Variants in ZFPM1 observed in about 807,000 individuals in gnomAD.
The protein encoded by ZFPM1 is zinc finger protein ZFPM1.
Under a neutral mutation model 46.3 loss-of-function variants are expected in ZFPM1, and 28 were observed. That is an observed-to-expected ratio of 0.60 (90% CI 0.45 to 0.83). The LOEUF (loss-of-function observed/expected upper bound fraction) is 0.83. Ranked by LOEUF, ZFPM1 falls within the 40% of genes least tolerant of loss-of-function variation. The pLI, the probability that ZFPM1 is intolerant of heterozygous loss-of-function variation, is 0.00. For missense variants in ZFPM1, 1,878 were observed against 1,432.4 expected, an observed-to-expected ratio of 1.31 and a Z score of -5.02; for synonymous variants, 957 against 675.9, an observed-to-expected ratio of 1.42 and a Z score of -6.45.
chr16:88,485,681 C>T lies in ZFPM1; in HGVS notation c.41-258C>T, dbSNP rs570476929. Among the ~76,000 whole-genome samples, 12 of 152,232 alleles carry T rather than the reference C, an allele frequency of 7.9e-5. 1 individual carries two copies. The South Asian group carries it at 2.1e-3, about 26-fold the overall frequency. On this transcript the variant is annotated intron_variant, in intron 1 of 9. Coordinates refer to ENST00000319555, the MANE Select transcript of ZFPM1 (RefSeq NM_153813.3). ...TCTCAAACTCCTGGACTCAAGCAAT[C>T]CTCCCACCTCAGCCTCCCAAACTGC...
At chr16:88,532,305 C>G (rs969715562) in intron 7 of ZFPM1, 70 bp downstream of exon 7, 4 of 1,409,422 alleles carry the variant, frequency 2.8e-6, no homozygotes, top group Middle Eastern at 4.4e-4. Flanking sequence ...GCAGGCCGCC[C>G]GGGAAAACCC....
At chr16:88,466,828 G>A (rs1040103214) in intron 1 of ZFPM1, among the ~76,000 whole-genome samples, 5 of 152,110 alleles carry the variant, frequency 3.3e-5, no homozygotes, top group Non-Finnish European at 5.9e-5. Flanking sequence ...CCCCCTGGCC[G>A]GCAGCCTCTC....
At chr16:88,455,088 G>C (rs1256955399) in intron 1 of ZFPM1, among the ~76,000 whole-genome samples, 1 of 151,552 alleles carries the variant, frequency 6.6e-6, no homozygotes, top group African/African-American at 2.4e-5. Flanking sequence ...TTGTGCTCTG[G>C]TTTCTTTTTC....
rs888577464 is a variant in ZFPM1, at chr16:88,484,841, C to T, written c.41-1098C>T. On this transcript the variant is annotated intron_variant, in intron 1 of 9. Transcript: ENST00000319555. ...GCCACTCCACAGCCACTGTGGGGTC[C>T]GGAGCAGCTGCCCCCGCACTTGGGC... is the stretch of plus-strand genomic sequence containing the variant. Among the ~76,000 whole-genome samples the T allele has an allele frequency of 3.3e-5, 5 of 152,326 alleles. No homozygotes were observed. The East Asian group carries it at 7.7e-4, about 24-fold the overall frequency.
At chr16:88,459,175 C>T (rs1486339446) in intron 1 of ZFPM1, among the ~76,000 whole-genome samples, 1 of 152,216 alleles carries the variant, frequency 6.6e-6, no homozygotes, top group Non-Finnish European at 1.5e-5. Context: ...CTGTCCACAC[C>T]TGCCTGATGG....
chr16:88,506,205 G>T (rs1389889454), intron 3 of ZFPM1, among the ~76,000 whole-genome samples: 1 of 151,650 alleles, frequency 6.6e-6, no homozygotes, highest in Non-Finnish European at 1.5e-5. Context: ...GGCAGGAGGT[G>T]GGGAGACCAG....
In ZFPM1 at chr16:88,457,406, C is replaced by T. The variant is rs548008669; in HGVS notation, c.40+3728C>T. Among the ~76,000 whole-genome samples the T allele has an allele frequency of 2.0e-5, 3 of 152,340 alleles. No individual in the cohort carries two copies. In the East Asian group the frequency reaches 5.8e-4, roughly 29 times the overall value. Reference sequence around the variant, plus strand: ...GAACCACAGGGGACAAGTTACTGTGCTTTCCACAGCTCTCAGTTTCCCCCT... The same window carrying T: ...GAACCACAGGGGACAAGTTACTGTGTTTTCCACAGCTCTCAGTTTCCCCCT... On this transcript the variant is annotated intron_variant, in intron 1 of 9. Transcript: ENST00000319555.
At chr16:88,525,493 G>A (rs1053198560) in intron 4 of ZFPM1, among the ~76,000 whole-genome samples, 1 of 152,254 alleles carries the variant, frequency 6.6e-6, no homozygotes, top group Admixed American at 6.5e-5. Context: ...CTGATTAAAA[G>A]GCATTCATTT....
At chr16:88,510,975 C>T (rs1443701303) in intron 3 of ZFPM1, among the ~76,000 whole-genome samples, 1 of 152,110 alleles carries the variant, frequency 6.6e-6, no homozygotes. Flanking sequence ...ATGTTGGGTT[C>T]GTGGGTTTTT....
Position 88,534,481 on chromosome 16 carries a change from C to A in ZFPM1, c.2523C>A (p.Pro841=). 6.8e-7 allele frequency: 1 copy of A among 1,480,334 alleles called. No individual in the cohort carries two copies. Among genetic ancestry groups the A allele is most frequent in the Non-Finnish European group, 8.9e-7 (1 of 1,121,576 alleles). 91.7% of individuals were successfully genotyped at this position (1,480,334 alleles called of 1,614,324 possible). A position where few individuals can be genotyped will look rare whatever the true frequency, so the allele number is the denominator to read the frequency against. ...TGGCGCACAAGAAGTACTCGTGCCC[C>A]GCTGCGCCACCGCCCGGCGCGCTCG... ...AYLAHKKYSC[P]AAPPPGALGL... is the part of the protein sequence containing the mutation. The change falls in exon 10 of 10, where the codon CCC becomes CCA. Residue 841 remains proline, a synonymous_variant. Coordinates refer to ENST00000319555, the MANE Select transcript of ZFPM1 (RefSeq NM_153813.3).
intron 3 of ZFPM1, among the ~76,000 whole-genome samples, chr16:88,499,254 G>A (rs945745015): frequency 1.3e-5 from 2 of 152,104 alleles, no homozygotes; most frequent in South Asian, 2.1e-4. Context: ...TCGAAGTCCC[G>A]AAATCGCAGG....
intron 1 of ZFPM1, among the ~76,000 whole-genome samples, chr16:88,454,087 G>C (rs1907424326): frequency 6.6e-6 from 1 of 152,230 alleles, no homozygotes; most frequent in Non-Finnish European, 1.5e-5. Context: ...CTGTCGGGAC[G>C]GGCTGAAATT....
chr16:88,532,956 C>T lies in ZFPM1; in HGVS notation c.1189+21C>T, dbSNP rs200763477. 3.3e-5 allele frequency: 53 copies of T among 1,612,258 alleles called. No homozygotes were observed. The African/African-American group carries it at 6.0e-4, about 18-fold the overall frequency. Reference sequence around the variant, plus strand: ...CCCAGGTGAGCAGCCCTGTGGGGGCCACCCCTGCCCCTTAGGCCCCCTGAG... The same window carrying T: ...CCCAGGTGAGCAGCCCTGTGGGGGCTACCCCTGCCCCTTAGGCCCCCTGAG... On this transcript the variant is annotated intron_variant, in intron 9 of 9. Transcript: ENST00000319555.
At chr16:88,513,935 C>T (rs915122779) in intron 3 of ZFPM1, among the ~76,000 whole-genome samples, 1 of 152,208 alleles carries the variant, frequency 6.6e-6, no homozygotes, top group African/African-American at 2.4e-5. Flanking sequence ...CTGATAATCC[C>T]ATTGATCTCA....
rs907380780 is a variant in ZFPM1, at chr16:88,480,418, C to T, written c.41-5521C>T. On this transcript the variant is annotated intron_variant, in intron 1 of 9. Transcript: ENST00000319555. This position sits in a 1 kb window ranked among gnomAD's most constrained non-coding sequence, Gnocchi z 4.9. ...GTGAGGGGACGGGTGAGTGAGGGAGCGGATGAAAGAGTGAAGGAAAGAGCC... is the reference window on the plus strand; with the variant it reads ...GTGAGGGGACGGGTGAGTGAGGGAGTGGATGAAAGAGTGAAGGAAAGAGCC... Among the ~76,000 whole-genome samples the T allele has an allele frequency of 5.9e-5, 9 of 152,218 alleles. No homozygotes were observed. Among genetic ancestry groups the T allele is most frequent in the East Asian group, 5.8e-4 (3 of 5,176 alleles).
rs764064185 is a variant in ZFPM1 at position 88,533,703 on chromosome 16, G to C, written c.1745G>C (p.Cys582Ser). ...CCCAAGGGCGCTACGTGCTTCGAGT[G>C]CGAGATCACCTTCAGCAACGTCAAC... ...GAPKGATCFE[C>S]EITFSNVNNY... The change falls in exon 10 of 10, where the codon TGC becomes TCC. Residue 582 changes from cysteine (C) to serine (S), a missense_variant. Physicochemically the swap from Cys to Ser is moderately radical, Grantham distance 112. Coordinates refer to ENST00000319555, the MANE Select transcript of ZFPM1 (RefSeq NM_153813.3). 2.0e-6 allele frequency: 3 copies of C among 1,513,214 alleles called. No individual in the cohort carries two copies. The highest frequency in any genetic ancestry group is 2.7e-6 in the Non-Finnish European group (3 of 1,125,728). The allele number at this position is 1,513,214 out of a possible 1,614,324, so 93.7% of individuals were successfully genotyped here.
chr16:88,511,183 G>C (rs1369841342), intron 3 of ZFPM1, among the ~76,000 whole-genome samples: 1 of 152,204 alleles, frequency 6.6e-6, no homozygotes, highest in Non-Finnish European at 1.5e-5. Context: ...GTCGGTGCCG[G>C]TGGGGGTGTC....
intron 3 of ZFPM1, among the ~76,000 whole-genome samples, chr16:88,511,951 G>A (rs948183471): frequency 1.3e-5 from 2 of 152,048 alleles, no homozygotes; most frequent in Non-Finnish European, 2.9e-5. Context: ...ACACCCCTCC[G>A]ATCCCTGGAC....
At chr16:88,452,920 G>C (rs1051300697), upstream of ZFPM1, among the ~76,000 whole-genome samples, 1 of 152,218 alleles carries the variant, frequency 6.6e-6, no homozygotes, top group Non-Finnish European at 1.5e-5. Context: ...GGGCCAAAGA[G>C]GAGTGGGGGA....
Sources: gnomAD v4.1 joint callset for allele counts (sites outside exome capture counted in the v4.1 genomes callset) on GRCh38, gnomAD v4.1.1 for gene constraint, Gnocchi (gnomAD v3.1) non-coding constraint, MANE v1.5 for transcripts, NCBI Gene and HGNC (gene_info 2026-07-23, HGNC 2026-07-21) for gene names.